ROCK2: variants seen among roughly 807,000 people sequenced by gnomAD.
The protein encoded by ROCK2 is rho-associated protein kinase 2.
Under a neutral mutation model 195.1 loss-of-function variants are expected in ROCK2, and 61 were observed. That is an observed-to-expected ratio of 0.31 (90% CI 0.25 to 0.39). The LOEUF is 0.39. Ranked by LOEUF, ROCK2 falls within the 10% of genes least tolerant of loss-of-function variation. ROCK2 has a pLI of 1.00. For missense variants in ROCK2, 1,109 were observed against 1,637.4 expected, an observed-to-expected ratio of 0.68 and a Z score of 5.57; for synonymous variants, 504 against 545.5, an observed-to-expected ratio of 0.92 and a Z score of 1.06.
intron 3 of ROCK2, among the ~76,000 whole-genome samples, chr2:11,263,859 A>G (rs1666323724): frequency 6.6e-6 from 1 of 151,952 alleles, no homozygotes. Context: ...CAGCAGAGAT[A>G]GTACATAAAT....
At chr2:11,260,448 C>CAAAAAAAA (rs35308782) in intron 3 of ROCK2, among the ~76,000 whole-genome samples, 1 of 91,510 alleles carries the variant, frequency 1.1e-5, no homozygotes, top group Non-Finnish European at 2.0e-5. Flanking sequence ...ACTCTGTCTC[C>CAAAAAAAA]AAAAAAAAAA....
intron 18 of ROCK2, among the ~76,000 whole-genome samples, chr2:11,209,527 T>C (rs1028894111): frequency 1.3e-5 from 2 of 152,242 alleles, no homozygotes; most frequent in Admixed American, 6.5e-5. Context: ...TCCTAACTCA[T>C]AGGATTATGA....
At chr2:11,232,496 G>C (rs560064679) in intron 5 of ROCK2, among the ~76,000 whole-genome samples, 37 of 152,196 alleles carry the variant, frequency 2.4e-4, no homozygotes, top group South Asian at 1.0e-3. Flanking sequence ...ATGAAGTGTT[G>C]AGCCTTAAAC....
intron 1 of ROCK2, among the ~76,000 whole-genome samples, chr2:11,336,357 C>G (rs979060646): frequency 6.6e-6 from 1 of 152,198 alleles, no homozygotes; most frequent in Non-Finnish European, 1.5e-5. Flanking sequence ...TCAAGCCATC[C>G]TCCTGCCTCA....
chr2:11,201,412 G>T lies in ROCK2; in HGVS notation c.2621C>A (p.Thr874Asn). The change falls in exon 22 of 33, where the codon ACC becomes AAC. Residue 874 changes from threonine to asparagine, a missense_variant and splice_region_variant. Transcript: ENST00000315872. This position sits in a 1 kb window ranked among gnomAD's most constrained non-coding sequence, Gnocchi z 4.6. ...CTCCCTAACTTGTGTTTTATAAAGG[G>T]TCTAAATAGCAAAATACAACAGAAA... ...DQLEAEQYFS[T>N]LYKTQVRELK... The T allele has an allele frequency of 6.6e-7, 1 of 1,521,810 alleles. No individual in the cohort carries two copies. The highest frequency in any genetic ancestry group is 9.1e-7 in the Non-Finnish European group (1 of 1,096,900). The allele number at this position is 1,521,810 out of a possible 1,614,324, so 94.3% of individuals were successfully genotyped here.
Position 11,319,427 on chromosome 2 carries a change from T to C in ROCK2, c.141+24569A>G, listed in dbSNP as rs931388295. 8.5e-5 allele frequency among the ~76,000 whole-genome samples: 13 copies of C among 152,220 alleles called. 1 individual carries two copies. The highest frequency in any genetic ancestry group is 3.1e-4 in the African/African-American group (13 of 41,456). The stretch of plus-strand genomic sequence containing the variant: ...GTCTGTTACTGGTGTATAAGAATGC[T>C]TGTGACTTCTGCACATTGATTTTGT... On this transcript the variant is annotated intron_variant, in intron 1 of 32. Coordinates refer to ENST00000315872, the MANE Select transcript of ROCK2 (RefSeq NM_004850.5).
chr2:11,192,328 A>G lies in ROCK2; in HGVS notation c.3983T>C (p.Leu1328Ser). The stretch of plus-strand genomic sequence containing the variant: ...CTCTTCTGTAGAATTTGCTAGTAAT[A>G]ACAGATTCTTTGCCGTTGAAATATC... ...YYDISTAKNLLLLANSTEEQQ... is the reference protein window; with the variant it reads ...YYDISTAKNLSLLANSTEEQQ... Residue 1328 changes from leucine to serine, a missense_variant, in exon 32 of 33, where the codon TTA (leucine) becomes TCA (serine). Coordinates refer to ENST00000315872, the MANE Select transcript of ROCK2 (RefSeq NM_004850.5). This position sits in a 1 kb window ranked among gnomAD's most constrained non-coding sequence, Gnocchi z 5.0. 6.2e-7 allele frequency: 1 copy of G among 1,613,662 alleles called. No individual in the cohort carries two copies. The highest frequency in any genetic ancestry group is 8.5e-7 in the Non-Finnish European group (1 of 1,179,768).
At chr2:11,330,753 AGG>A (rs1668699739) in intron 1 of ROCK2, among the ~76,000 whole-genome samples, 3 of 50,906 alleles carry the variant, frequency 5.9e-5, no homozygotes, top group African/African-American at 5.5e-5. Flanking sequence ...AGGAGGGAGG[AGG>A]AGGAGGGAGG....
At chr2:11,282,872 A>G (rs1209341861) in intron 3 of ROCK2, among the ~76,000 whole-genome samples, 1 of 152,164 alleles carries the variant, frequency 6.6e-6, no homozygotes, top group African/African-American at 2.4e-5. Context: ...CTATTATCCA[A>G]AAGAATTTGT....
At chr2:11,204,980 G>A (rs1663997297) in intron 20 of ROCK2, among the ~76,000 whole-genome samples, 1 of 152,052 alleles carries the variant, frequency 6.6e-6, no homozygotes, top group African/African-American at 2.4e-5. Context: ...ACTTGCAAAG[G>A]GGGTGGGAAA....
At chr2:11,184,846 T>C (rs1017478279) in intron 32 of ROCK2, 36 of 757,468 alleles carry the variant, frequency 4.8e-5, no homozygotes, top group Non-Finnish European at 5.6e-5. Context: ...TTAGAAATCA[T>C]ACTTTGAATG....
At chr2:11,306,815 G>A (rs1667872562) in intron 1 of ROCK2, among the ~76,000 whole-genome samples, 1 of 152,178 alleles carries the variant, frequency 6.6e-6, no homozygotes, top group Admixed American at 6.5e-5. Context: ...TAATACTGCA[G>A]CCAGCTAATA....
chr2:11,228,410 T>C (rs1572272162), intron 5 of ROCK2, among the ~76,000 whole-genome samples: 6 of 152,272 alleles, frequency 3.9e-5, no homozygotes, highest in Admixed American at 3.9e-4. Flanking sequence ...CAGAACTAAC[T>C]CAATGGCTTT....
In ROCK2 at chr2:11,255,216, C is replaced by CAA. The variant is rs70953375; in HGVS notation, c.325-5420_325-5419dup. 2.7e-5 allele frequency among the ~76,000 whole-genome samples: 3 copies of CAA among 109,172 alleles called. No individual in the cohort carries two copies. The South Asian group carries it at 9.0e-4, about 33-fold the overall frequency. 71.6% of individuals were successfully genotyped at this position (109,172 alleles called of 152,430 possible). A position where few individuals can be genotyped will look rare whatever the true frequency, so the allele number is the denominator to read the frequency against. On this transcript the variant is annotated intron_variant, in intron 3 of 32. Coordinates refer to ENST00000315872, the MANE Select transcript of ROCK2 (RefSeq NM_004850.5). ...TGGGGGAAAGAGCGAGACCCCATCT[C>CAA]AAAAAAAAAAAAAAAAAAAAACTTG...
intron 1 of ROCK2, among the ~76,000 whole-genome samples, chr2:11,301,844 A>G (rs1224475083): frequency 6.6e-6 from 1 of 151,694 alleles, no homozygotes; most frequent in Non-Finnish European, 1.5e-5. Context: ...TATGTAAGTC[A>G]GGTTTAGAAT....
At chr2:11,244,039 T>C (rs1295203328) in intron 4 of ROCK2, among the ~76,000 whole-genome samples, 1 of 152,166 alleles carries the variant, frequency 6.6e-6, no homozygotes, top group Non-Finnish European at 1.5e-5. Flanking sequence ...TGTAAAATAT[T>C]TTTACACACC....
chr2:11,239,966 C>T (rs931256387), intron 4 of ROCK2, among the ~76,000 whole-genome samples: 1 of 152,204 alleles, frequency 6.6e-6, no homozygotes, highest in Admixed American at 6.5e-5. Flanking sequence ...GCACACAGGA[C>T]AAAGTGTGGA....
rs1176397979 is a variant in ROCK2 at position 11,292,170 on chromosome 2, A to T, written c.142-4434T>A. On this transcript the variant is annotated intron_variant, in intron 1 of 32. Coordinates refer to ENST00000315872, the MANE Select transcript of ROCK2 (RefSeq NM_004850.5). ...AAATACCGTATTAAAAAAAAAGTCC[A>T]TATTCATAGACTGTAAATAATACCT... Among the ~76,000 whole-genome samples the T allele has an allele frequency of 3.9e-5, 6 of 152,306 alleles. No individual in the cohort carries two copies. In the East Asian group the frequency reaches 1.2e-3, roughly 29 times the overall value.
In ROCK2 at chr2:11,286,856, T is replaced by C. The variant is rs1050261104; in HGVS notation, c.224-217A>G. 1.3e-5 allele frequency among the ~76,000 whole-genome samples: 2 copies of C among 152,172 alleles called. 1 individual carries two copies. The highest frequency in any genetic ancestry group is 2.9e-5 in the Non-Finnish European group (2 of 68,034). Reference sequence around the variant, plus strand: ...ACACATATAAATGAACACCACTGACTGCCAAAAAGTAGCAGTTACAGCTAT... The same window carrying C: ...ACACATATAAATGAACACCACTGACCGCCAAAAAGTAGCAGTTACAGCTAT... On this transcript the variant is annotated intron_variant, in intron 2 of 32. Coordinates refer to ENST00000315872, the MANE Select transcript of ROCK2 (RefSeq NM_004850.5).
Sources: gnomAD v4.1 joint callset for allele counts (sites outside exome capture counted in the v4.1 genomes callset) on GRCh38, gnomAD v4.1.1 for gene constraint, Gnocchi (gnomAD v3.1) non-coding constraint, MANE v1.5 for transcripts, NCBI Gene and HGNC (gene_info 2026-07-23, HGNC 2026-07-21) for gene names.